The following ZNF615 variants were observed in gnomAD, a reference collection of about 807,000 sequenced individuals.
ZNF615 encodes zinc finger protein 615.
In ZNF615, 15 loss-of-function variants were observed where a neutral mutation model predicts 15.3. The observed-to-expected ratio is 0.98, with a 90% CI of 0.66 to 1.51. The LOEUF (loss-of-function observed/expected upper bound fraction) is 1.51. Ranked by LOEUF, ZNF615 falls within the 40% of genes most tolerant of loss-of-function variation. The pLI is 0.00. For synonymous variants in ZNF615, 268 were observed against 294.6 expected, an observed-to-expected ratio of 0.91 and a Z score of 0.92; for missense variants, 848 against 895.9, an observed-to-expected ratio of 0.95 and a Z score of 0.68.
intron 5 of ZNF615, among the ~76,000 whole-genome samples, chr19:52,000,884 T>C (rs2086571623): frequency 6.6e-6 from 1 of 151,184 alleles, no homozygotes; most frequent in Non-Finnish European, 1.5e-5. Flanking sequence ...GCCGAGGAGG[T>C]CAAGGCTACA....
At position 51,994,170 on chromosome 19, in the gene ZNF615, C is replaced by T; in HGVS notation, c.939G>A (p.Arg313=). 2 of 1,613,930 alleles carry T rather than the reference C, an allele frequency of 1.2e-6. No homozygotes were observed. Among genetic ancestry groups the T allele is most frequent in the Non-Finnish European group, 1.7e-6 (2 of 1,180,008 alleles). The change falls in exon 7 of 7, where the codon CGG becomes CGA. Residue 313 remains arginine, a synonymous_variant. Coordinates refer to ENST00000598071, the MANE Select transcript of ZNF615 (RefSeq NM_001199324.2). The part of the protein sequence containing the change: ...QCGKAFIKKC[R]LIYHQRTHTG... ...TATGAGTTCGTTGATGATAAATGAG[C>T]CGACACTTCTTGATGAAGGCTTTCC...
intron 3 of ZNF615, 97 bp from the exon 4 acceptor site, chr19:52,002,378 A>G (rs2086624893): frequency 1.3e-6 from 2 of 1,549,534 alleles, no homozygotes; most frequent in African/African-American, 3.5e-5. Context: ...CCACATAGGA[A>G]GCTGGTGGGG....
chr19:51,993,228 T>C lies in ZNF615; in HGVS notation c.1881A>G (p.Gln627=), dbSNP rs1320232604. The change falls in exon 7 of 7, where the codon CAA becomes CAG. Residue 627 remains glutamine, a synonymous_variant. Coordinates refer to ENST00000598071, the MANE Select transcript of ZNF615 (RefSeq NM_001199324.2). ...TMKSTLSIHQ[Q]THTGEKPYKC... ...TGTATGGCTTCTCTCCAGTATGAGT[T>C]TGCTGATGTATACTGAGAGTACTCT... The C allele has an allele frequency of 1.2e-6, 2 of 1,614,224 alleles. No individual in the cohort carries two copies. The highest frequency in any genetic ancestry group is 1.1e-5 in the South Asian group (1 of 91,086).
chr19:51,996,385 C>CAAAAAAAAACAAAAAAAAAAAAAAAAA (rs2086429938), intron 6 of ZNF615, among the ~76,000 whole-genome samples: 1 of 33,326 alleles, frequency 3.0e-5, no homozygotes. Flanking sequence ...GACTCTGTCT[C>CAAAAAAAAACAAAAAAAAAAAAAAAAA]AAAAAAAAAA....
intron 2 of ZNF615, among the ~76,000 whole-genome samples, chr19:52,004,177 G>A (rs947918036): frequency 6.6e-6 from 1 of 152,114 alleles, no homozygotes; most frequent in Non-Finnish European, 1.5e-5. Context: ...CAGCAGCTGG[G>A]CAATCCTCAG....
At chr19:52,004,256 TGTACCCA>T (rs2086686044) in intron 2 of ZNF615, among the ~76,000 whole-genome samples, 1 of 152,236 alleles carries the variant, frequency 6.6e-6, no homozygotes, top group African/African-American at 2.4e-5. Context: ...TAAAACCATG[TGTACCCA>T]TCTACCTTTT....
At position 52,000,383 on chromosome 19, in the gene ZNF615, A is replaced by G; in HGVS notation, c.239-5T>C. The G allele has an allele frequency of 1.6e-6, 1 of 629,642 alleles. No individual in the cohort carries two copies. The highest frequency in any genetic ancestry group is 2.8e-5 in the East Asian group (1 of 35,130). The allele number at this position is 629,642 out of a possible 1,614,324, so 39.0% of individuals were successfully genotyped here. ...CTCCTGATGCACCTCCTGAATCTAA[A>G]ATAAAAACATAAAAGATAAAATAAA... On this transcript the variant is annotated splice_polypyrimidine_tract_variant and splice_region_variant and intron_variant, in intron 5 of 6. Coordinates refer to ENST00000598071, the MANE Select transcript of ZNF615 (RefSeq NM_001199324.2).
chr19:52,002,394 TTC>T, intron 3 of ZNF615, 113 bp from the exon 4 acceptor site: 1 of 1,468,556 alleles, frequency 6.8e-7, no homozygotes, highest in Admixed American at 1.7e-5. Flanking sequence ...TGGGGTTTTT[TTC>T]TTAGTACATT....
intron 6 of ZNF615, among the ~76,000 whole-genome samples, chr19:51,997,404 A>G (rs1373946011): frequency 5.9e-5 from 9 of 152,176 alleles, no homozygotes; most frequent in South Asian, 2.1e-4. Context: ...CAAACTTGCT[A>G]TTCTTCTTCA....
rs2086264279 is a variant in ZNF615 at position 51,992,594 on chromosome 19, C to T, written c.*286G>A. On this transcript the variant is annotated 3_prime_UTR_variant, in exon 7 of 7. Transcript: ENST00000598071. ...GACGTTCCTATAATTATTACATTTC[C>T]ACGAATTAGTAGTTTATTCATGATC... 1 of 298,792 alleles carries T rather than the reference C, an allele frequency of 3.3e-6. No individual in the cohort carries two copies. Among genetic ancestry groups the T allele is most frequent in the Non-Finnish European group, 6.2e-6 (1 of 161,954 alleles). 18.5% of individuals were successfully genotyped at this position (298,792 alleles called of 1,614,324 possible).
Position 51,993,385 on chromosome 19 carries a change from C to A in ZNF615, c.1724G>T (p.Gly575Val), listed in dbSNP as rs781256173. 1 of 1,614,018 alleles carries A rather than the reference C, an allele frequency of 6.2e-7. No homozygotes were observed. Among genetic ancestry groups the A allele is most frequent in the South Asian group, 1.1e-5 (1 of 91,076 alleles). ...HLNVHRRTHTGEKPYVCSECG... is the reference protein window; with the variant it reads ...HLNVHRRTHTVEKPYVCSECG... ...TTCACTGCATACATAGGGTTTCTCT[C>A]CTGTATGAGTGCGCCGATGTACATT... Residue 575 changes from glycine (G) to valine (V), a missense_variant, in exon 7 of 7, where the codon GGA becomes GTA. Physicochemically the swap from Gly to Val is moderately radical, Grantham distance 109. Coordinates refer to ENST00000598071, the MANE Select transcript of ZNF615 (RefSeq NM_001199324.2).
In ZNF615 at chr19:51,992,585, T is replaced by A; in HGVS notation, c.*295A>T. On this transcript the variant is annotated 3_prime_UTR_variant, in exon 7 of 7. Transcript: ENST00000598071. ...TTGGGCAAAGACGTTCCTATAATTA[T>A]TACATTTCCACGAATTAGTAGTTTA... 3.5e-6 allele frequency: 1 copy of A among 285,662 alleles called. No homozygotes were observed. The highest frequency in any genetic ancestry group is 6.5e-6 in the Non-Finnish European group (1 of 153,186). The allele number at this position is 285,662 out of a possible 1,614,324, so 17.7% of individuals were successfully genotyped here. A position where few individuals can be genotyped will look rare whatever the true frequency, so the allele number is the denominator to read the frequency against.
chr19:52,007,175 T>G (rs2123096984), intron 2 of ZNF615, 118 bp downstream of exon 2: 3 of 556,270 alleles, frequency 5.4e-6, no homozygotes, highest in Non-Finnish European at 5.7e-6. Flanking sequence ...GCGAAAAAGA[T>G]AATAGTACCA....
intron 6 of ZNF615, among the ~76,000 whole-genome samples, chr19:51,995,790 T>TTGAACC (rs2086405023): frequency 6.6e-6 from 1 of 151,720 alleles, no homozygotes. Flanking sequence ...TAGGCTGGTC[T>TTGAACC]CACAAGCTCA....
Position 51,991,964 on chromosome 19 carries a change from AACTT to A in ZNF615, c.*912_*915del. 6.6e-6 allele frequency: 1 copy of A among 152,330 alleles called. No homozygotes were observed. Among genetic ancestry groups the A allele is most frequent in the South Asian group, 2.1e-4 (1 of 4,828 alleles). 9.4% of individuals were successfully genotyped at this position (152,330 alleles called of 1,614,324 possible). A position where few individuals can be genotyped will look rare whatever the true frequency, so the allele number is the denominator to read the frequency against. On this transcript the variant is annotated 3_prime_UTR_variant, in exon 7 of 7. Transcript: ENST00000598071. ...GAATCTAAACTTATTTCAAAATAAA[AACTT>A]ACAAAAACATCTTATTTATATTAAT...
chr19:52,007,310 C>T lies in ZNF615; in HGVS notation c.-207G>A, dbSNP rs1373157989. On this transcript the variant is annotated 5_prime_UTR_variant, in exon 2 of 7. Coordinates refer to ENST00000598071, the MANE Select transcript of ZNF615 (RefSeq NM_001199324.2). ...GAGCTTACCATGGCAGAGATGTTAT[C>T]TTACTTGTGTCAGAAAGAACCTGAA... is the stretch of plus-strand genomic sequence containing the variant. 4.7e-6 allele frequency: 6 copies of T among 1,288,732 alleles called. No individual in the cohort carries two copies. The highest frequency in any genetic ancestry group is 5.1e-6 in the Non-Finnish European group (5 of 988,438). 79.8% of individuals were successfully genotyped at this position (1,288,732 alleles called of 1,614,324 possible). A position where few individuals can be genotyped will look rare whatever the true frequency, so the allele number is the denominator to read the frequency against.
intron 5 of ZNF615, among the ~76,000 whole-genome samples, 190 bp downstream of exon 5, chr19:52,001,616 CAAAAAAA>C (rs200193378): frequency 9.5e-6 from 1 of 105,374 alleles, no homozygotes; most frequent in African/African-American, 3.1e-5. Flanking sequence ...GACTCCATCT[CAAAAAAA>C]AAAAAAAAAA....
chr19:52,001,154 G>T (rs905799209), intron 5 of ZNF615, among the ~76,000 whole-genome samples: 1 of 151,946 alleles, frequency 6.6e-6, no homozygotes, highest in Non-Finnish European at 1.5e-5. Context: ...GAGTTCAAAG[G>T]TCTCTCTTTC....
At chr19:52,000,115 C>T in intron 6 of ZNF615, 1 of 379,864 alleles carries the variant, frequency 2.6e-6, no homozygotes, top group Non-Finnish European at 4.7e-6. Flanking sequence ...AGTGAAATAA[C>T]TCAGAAACAG....
Sources: gnomAD v4.1 joint callset for allele counts (sites outside exome capture counted in the v4.1 genomes callset) on GRCh38, gnomAD v4.1.1 for gene constraint, MANE v1.5 for transcripts, NCBI Gene and HGNC (gene_info 2026-07-23, HGNC 2026-07-21) for gene names.